Variants in RPGR observed in about 807,000 individuals in gnomAD.
RPGR encodes X-linked retinitis pigmentosa GTPase regulator.
In RPGR, 10 loss-of-function variants were observed where a neutral mutation model predicts 56.3. The ratio of observed to expected loss-of-function variants is 0.18; its 90% CI spans 0.11 to 0.30. The LOEUF (loss-of-function observed/expected upper bound fraction) is 0.30. Among genes scored for constraint, RPGR ranks in the 10% least tolerant of loss-of-function variants. RPGR has a pLI of 1.00. For missense variants in RPGR, 538 were observed against 590.9 expected (o/e 0.91, Z 0.93); for synonymous variants, 197 against 212.9 (o/e 0.93, Z 0.65).
intron 16 of RPGR, chrX:38,275,176 A>G (rs746888349): frequency 8.6e-7 from 1 of 1,159,391 alleles, no homozygotes; most frequent in African/African-American, 1.8e-5. Flanking sequence ...AATATAACAA[A>G]AAATATTTTT....
At chrX:38,325,554 C>T (rs1302785818) in intron 1 of RPGR, among the ~76,000 whole-genome samples, 2 of 111,987 alleles carry the variant, frequency 1.8e-5, no homozygotes, top group Admixed American at 1.9e-4. Flanking sequence ...TGAAAAGATC[C>T]TCTCAACACA....
At position 38,286,771 on chromosome X, in the gene RPGR, C is replaced by A. The variant is rs867235997; in HGVS notation, c.1905+323G>T. 3.5e-6 allele frequency: 4 copies of A among 1,157,175 alleles called. No homozygotes were observed. The highest frequency in any genetic ancestry group is 5.4e-4 in the Middle Eastern group (2 of 3,717). ...CTTCTCTTCTTCCTCTTCTCTGTCT[C>A]CCTCCTCTTCTTCTCCTTCTCCATG... On this transcript the variant is annotated intron_variant, in intron 15 of 18. Transcript: ENST00000642395.
At chrX:38,298,872 T>C in intron 10 of RPGR, 84 bp downstream of exon 10, 2 of 1,040,573 alleles carry the variant, frequency 1.9e-6, no homozygotes, top group Non-Finnish European at 2.7e-6. Flanking sequence ...GACCCTTTGA[T>C]TTAAAAAGAA....
chrX:38,276,151 C>T (rs2066930107), intron 16 of RPGR, among the ~76,000 whole-genome samples: 1 of 112,007 alleles, frequency 8.9e-6, no homozygotes, highest in South Asian at 3.7e-4. Flanking sequence ...CTGATCACAA[C>T]TTCAAATACT....
intron 7 of RPGR, among the ~76,000 whole-genome samples, chrX:38,308,563 T>C (rs186785927): frequency 6.1e-4 from 68 of 111,900 alleles, no homozygotes; most frequent in African/African-American, 2.1e-3. Flanking sequence ...GAATGACCTA[T>C]TAAATTAATT....
At chrX:38,278,921 G>T (rs764266463) in intron 15 of RPGR, among the ~76,000 whole-genome samples, 1 of 112,111 alleles carries the variant, frequency 8.9e-6, no homozygotes, top group Non-Finnish European at 1.9e-5. Context: ...AAAAAGACAC[G>T]TGGGAGTTTT....
At position 38,313,258 on chromosome X, in the gene RPGR, C is replaced by T. The variant is rs148809763; in HGVS notation, c.620-2485G>A. On this transcript the variant is annotated intron_variant, in intron 6 of 18. Transcript: ENST00000642395. The stretch of plus-strand genomic sequence containing the variant: ...TAATATTTTTTCTTTCTTGTTCTCA[C>T]GTAAGACTCTGCTATCAAATGTCTT... Among the ~76,000 whole-genome samples, 618 of 111,416 alleles carry T rather than the reference C, an allele frequency of 5.5e-3. 4 individuals carry two copies. Among genetic ancestry groups the T allele is most frequent in the African/African-American group, 0.019 (573 of 30,652 alleles).
At chrX:38,279,332 AAAG>A (rs1370996811) in intron 15 of RPGR, 37 of 261,253 alleles carry the variant, frequency 1.4e-4, no homozygotes, top group Non-Finnish European at 1.6e-4. Context: ...GGATCACAGT[AAAG>A]AAGTGAATGG....
chrX:38,295,455 A>G (rs898179229), intron 11 of RPGR, among the ~76,000 whole-genome samples: 3 of 112,416 alleles, frequency 2.7e-5, no homozygotes, highest in African/African-American at 9.7e-5. Context: ...CTTTTGATCT[A>G]GCTACAAAAT....
intron 8 of RPGR, 142 bp from the exon 9 acceptor site, chrX:38,301,513 C>T (rs1428129370): frequency 1.9e-6 from 1 of 515,163 alleles, no homozygotes; most frequent in Non-Finnish European, 3.2e-6. Context: ...TTGATCTTTC[C>T]ACACTCTCTA....
chrX:38,318,408 G>A (rs987941916), intron 5 of RPGR, among the ~76,000 whole-genome samples: 1 of 110,169 alleles, frequency 9.1e-6, no homozygotes, highest in African/African-American at 3.3e-5. Context: ...GGTAGGGAGG[G>A]CAGAGAGGTA....
rs1468670683 is a variant in RPGR, at chrX:38,317,338, A to G, written c.597T>C (p.Tyr199=). 1.2e-5 allele frequency: 14 copies of G among 1,210,766 alleles called. No homozygotes were observed. The highest frequency in any genetic ancestry group is 1.6e-5 in the Non-Finnish European group (14 of 894,594). The change falls in exon 6 of 19, where the codon TAT becomes TAC. Residue 199 remains tyrosine (Y), a synonymous_variant. Transcript: ENST00000642395. ...TACTTGTTACAAAAGCTGAATGGTA[A>G]TATCCACAAGAGATCCAGGAGACAG... is the stretch of plus-strand genomic sequence containing the variant.
At chrX:38,284,640 A>G (rs753612093) in intron 15 of RPGR, 173 of 727,357 alleles carry the variant, frequency 2.4e-4, no homozygotes, top group Non-Finnish European at 2.8e-4. Context: ...AACTGTATAG[A>G]AAACTAAATT....
intron 13 of RPGR, among the ~76,000 whole-genome samples, chrX:38,290,587 A>C (rs1323942975): frequency 8.9e-6 from 1 of 112,134 alleles, no homozygotes; most frequent in African/African-American, 3.2e-5. Context: ...TCAGCATAGT[A>C]ATTAATTCAA....
At chrX:38,276,889 C>T (rs2066945886) in intron 15 of RPGR, 2 of 597,248 alleles carry the variant, frequency 3.3e-6, no homozygotes, top group Non-Finnish European at 5.2e-6. Context: ...AATATTAATT[C>T]AAATATTGAA....
At chrX:38,296,640 T>G (rs953866857) in intron 11 of RPGR, among the ~76,000 whole-genome samples, 7 of 111,658 alleles carry the variant, frequency 6.3e-5, no homozygotes, top group African/African-American at 2.3e-4. Flanking sequence ...GCTAATTATT[T>G]TATATGCCTG....
At chrX:38,299,258 T>C in intron 9 of RPGR, 117 bp from the exon 10 acceptor site, 1 of 723,469 alleles carries the variant, frequency 1.4e-6, no homozygotes, top group Non-Finnish European at 2.1e-6. Flanking sequence ...ACAGACTGGC[T>C]TGGTGAATCT....
intron 15 of RPGR, among the ~76,000 whole-genome samples, chrX:38,281,760 C>A (rs766744174): frequency 2.7e-5 from 3 of 111,594 alleles, no homozygotes; most frequent in East Asian, 5.6e-4. Context: ...CAACCACCAC[C>A]ACCACCACCA....
Position 38,299,120 on chromosome X carries a change from T to A in RPGR, c.1081A>T (p.Met361Leu). Residue 361 changes from methionine to leucine, a missense_variant, in exon 10 of 19, where the codon ATG becomes TTG. Physicochemically the swap from Met to Leu is conservative, Grantham distance 15. This residue lies in a region of RPGR where 181 missense variants were observed against 265.1 expected (regional missense o/e 0.68). Coordinates refer to ENST00000642395, the MANE Select transcript of RPGR (RefSeq NM_000328.3). ...CGATGAGGAGCAGCAAAAACTACCA[T>A]GTGACATCCACCACAAGCAACCTGC... is the stretch of plus-strand genomic sequence containing the variant. 1 of 1,211,304 alleles carries A rather than the reference T, an allele frequency of 8.3e-7. No individual in the cohort carries two copies. The highest frequency in any genetic ancestry group is 1.1e-6 in the Non-Finnish European group (1 of 895,183).
Sources: gnomAD v4.1 joint callset for allele counts (sites outside exome capture counted in the v4.1 genomes callset) on GRCh38, gnomAD v4.1.1 for gene constraint, gnomAD v4.1.1 regional missense constraint, MANE v1.5 for transcripts, NCBI Gene and HGNC (gene_info 2026-07-23, HGNC 2026-07-21) for gene names.